HPRT1: variants seen among roughly 807,000 people sequenced by gnomAD.
HPRT1 encodes the protein hypoxanthine phosphoribosyltransferase 1.
Under a neutral mutation model 19.0 loss-of-function variants are expected in HPRT1, and 4 were observed. That is an observed-to-expected ratio of 0.21 (90% CI 0.10 to 0.48). HPRT1 has a LOEUF of 0.48. Ranked by LOEUF, HPRT1 falls within the 20% of genes least tolerant of loss-of-function variation. The pLI, the probability that HPRT1 is intolerant of heterozygous loss-of-function variation, is 0.98. For missense variants in HPRT1, 65 were observed against 164.0 expected, an observed-to-expected ratio of 0.40 and a Z score of 3.30; for synonymous variants, 53 against 54.9, an observed-to-expected ratio of 0.97 and a Z score of 0.15.
intron 3 of HPRT1, among the ~76,000 whole-genome samples, chrX:134,482,411 G>A (rs2077642784): frequency 8.9e-6 from 1 of 112,037 alleles, no homozygotes; most frequent in Non-Finnish European, 1.9e-5. Context: ...CTATTACTAT[G>A]TTGTGCTAAA....
At chrX:134,466,106 T>G (rs897668986) in intron 1 of HPRT1, among the ~76,000 whole-genome samples, 1 of 109,115 alleles carries the variant, frequency 9.2e-6, no homozygotes, top group Admixed American at 1.0e-4. Context: ...CCAGGTCTGA[T>G]TGGATTAGTG....
chrX:134,464,803 A>G (rs1272847435), intron 1 of HPRT1, among the ~76,000 whole-genome samples: 1 of 109,925 alleles, frequency 9.1e-6, no homozygotes, highest in African/African-American at 3.3e-5. Context: ...TCCTGACCTC[A>G]TGATCTGCCT....
intron 3 of HPRT1, among the ~76,000 whole-genome samples, chrX:134,479,871 A>C (rs2077634744): frequency 9.0e-6 from 1 of 111,354 alleles, no homozygotes; most frequent in South Asian, 3.7e-4. Context: ...GGCTTCCCTA[A>C]GTGAAATTAC....
chrX:134,465,192 C>A (rs927453942), intron 1 of HPRT1, among the ~76,000 whole-genome samples: 1 of 110,715 alleles, frequency 9.0e-6, no homozygotes, highest in African/African-American at 3.3e-5. Context: ...TGTGAGCCAC[C>A]GCATCTGGCC....
intron 5 of HPRT1, 68 bp from the exon 6 acceptor site, chrX:134,493,440 A>C: frequency 1.4e-6 from 1 of 707,102 alleles, no homozygotes; most frequent in Non-Finnish European, 2.3e-6. Flanking sequence ...GCAGTTATAC[A>C]TGGGGGTTTT....
chrX:134,490,484 T>C (rs971807397), intron 5 of HPRT1, among the ~76,000 whole-genome samples: 2 of 71,506 alleles, frequency 2.8e-5, no homozygotes, highest in African/African-American at 7.8e-5. Context: ...TATATACATA[T>C]ATATCTTATA....
intron 3 of HPRT1, 55 bp downstream of exon 3, chrX:134,475,419 T>C: frequency 1.2e-6 from 1 of 820,162 alleles, no homozygotes; most frequent in African/African-American, 2.0e-5. Context: ...TTTTCTTATA[T>C]TTTCTTTGAA....
intron 4 of HPRT1, among the ~76,000 whole-genome samples, chrX:134,489,534 C>G (rs994659411): frequency 1.8e-5 from 2 of 111,504 alleles, no homozygotes; most frequent in Non-Finnish European, 3.8e-5. Context: ...CTGCCTCATT[C>G]TTATAACTAG....
chrX:134,479,117 C>T (rs971688754), intron 3 of HPRT1, among the ~76,000 whole-genome samples: 3 of 111,679 alleles, frequency 2.7e-5, no homozygotes, highest in African/African-American at 9.8e-5. Context: ...GAAGTCAAGA[C>T]GGGAGGCTGG....
rs758384857 is a variant in HPRT1, at chrX:134,500,103, A to T, written c.*26A>T. 1 of 1,074,958 alleles carries T rather than the reference A, an allele frequency of 9.3e-7. No homozygotes were observed. Among genetic ancestry groups the T allele is most frequent in the Non-Finnish European group, 1.3e-6 (1 of 770,544 alleles). 88.6% of individuals were successfully genotyped at this position (1,074,958 alleles called of 1,213,427 possible). A position where few individuals can be genotyped will look rare whatever the true frequency, so the allele number is the denominator to read the frequency against. On this transcript the variant is annotated 3_prime_UTR_variant, in exon 9 of 9. Transcript: ENST00000298556. ...GATGAGAGTTCAAGTTGAGTTTGGA[A>T]ACATCTGGAGTCCTATTGACATCGC...
intron 1 of HPRT1, among the ~76,000 whole-genome samples, chrX:134,469,114 C>T (rs1204988668): frequency 3.6e-5 from 4 of 110,542 alleles, no homozygotes; most frequent in Admixed American, 9.8e-5. Flanking sequence ...TGAACCTGCA[C>T]GTACCCATTG....
At chrX:134,474,373 A>G (rs1477321765) in intron 2 of HPRT1, among the ~76,000 whole-genome samples, 2 of 108,487 alleles carry the variant, frequency 1.8e-5, no homozygotes, top group Non-Finnish European at 3.8e-5. Flanking sequence ...GAATCATTTT[A>G]TACTCCTGAT....
intron 2 of HPRT1, among the ~76,000 whole-genome samples, chrX:134,474,862 C>T (rs974246603): frequency 9.0e-6 from 1 of 110,957 alleles, no homozygotes; most frequent in Non-Finnish European, 1.9e-5. Flanking sequence ...GGATGTGTTA[C>T]GTGGAAGATT....
chrX:134,465,999 C>T (rs909162234), intron 1 of HPRT1, among the ~76,000 whole-genome samples: 11 of 110,343 alleles, frequency 1.0e-4, no homozygotes, highest in African/African-American at 3.0e-4. Flanking sequence ...ACACCCCCCC[C>T]ATACCTTTTT....
At chrX:134,489,521 A>G (rs2077661422) in intron 4 of HPRT1, among the ~76,000 whole-genome samples, 2 of 111,615 alleles carry the variant, frequency 1.8e-5, no homozygotes, top group African/African-American at 3.2e-5. Context: ...ATTATGTGAA[A>G]TGCTGCCTCA....
intron 1 of HPRT1, among the ~76,000 whole-genome samples, chrX:134,464,893 C>T (rs1602736592): frequency 9.2e-6 from 1 of 108,579 alleles, no homozygotes; most frequent in East Asian, 2.9e-4. Flanking sequence ...AGACTCACTT[C>T]CATTAAGTCT....
chrX:134,491,422 G>A (rs951884581), intron 5 of HPRT1, among the ~76,000 whole-genome samples: 2 of 111,333 alleles, frequency 1.8e-5, no homozygotes, highest in African/African-American at 6.5e-5. Flanking sequence ...CCCATCTGAA[G>A]TTGAAAATAT....
At chrX:134,474,974 T>C (rs1028720351) in intron 2 of HPRT1, among the ~76,000 whole-genome samples, 1 of 110,797 alleles carries the variant, frequency 9.0e-6, no homozygotes, top group Non-Finnish European at 1.9e-5. Context: ...CTCAACATCC[T>C]GCACTAAAGT....
chrX:134,466,414 T>C (rs1369313691), intron 1 of HPRT1, among the ~76,000 whole-genome samples: 1 of 99,504 alleles, frequency 1.0e-5, no homozygotes, highest in Admixed American at 1.1e-4. Flanking sequence ...TGAGACTCTG[T>C]CTCAAAAAAG....
Sources: allele counts gnomAD v4.1 joint callset (sites outside exome capture counted in the v4.1 genomes callset), GRCh38; gene constraint gnomAD v4.1.1; transcripts MANE v1.5; gene names NCBI Gene and HGNC (gene_info 2026-07-23, HGNC 2026-07-21).